DYNLT2B: variants seen among roughly 807,000 people sequenced by gnomAD.
DYNLT2B encodes the protein dynein light chain Tctex-type protein 2B.
A neutral mutation model predicts 19.5 loss-of-function variants in DYNLT2B; 14 were observed. That is an observed-to-expected ratio of 0.72 (90% CI 0.47 to 1.12). DYNLT2B has a LOEUF of 1.12. Ranked by LOEUF, DYNLT2B falls within the 50% of genes most tolerant of loss-of-function variation. The pLI is 0.00. For synonymous variants in DYNLT2B, 70 were observed against 59.7 expected, an observed-to-expected ratio of 1.17 and a Z score of -0.79; for missense variants, 133 against 174.7, an observed-to-expected ratio of 0.76 and a Z score of 1.35.
intron 2 of DYNLT2B, among the ~76,000 whole-genome samples, chr3:196,314,468 GAA>G (rs1055569551): frequency 4.7e-5 from 3 of 63,486 alleles, no homozygotes; most frequent in African/African-American, 1.2e-4. Flanking sequence ...GTCTCAAAAA[GAA>G]AAAAAAAAAA....
intron 3 of DYNLT2B, chr3:196,298,273 A>T: frequency 5.5e-6 from 1 of 181,608 alleles, no homozygotes; most frequent in Non-Finnish European, 1.2e-5. Flanking sequence ...TTTTGAGACA[A>T]AAATATAAAA....
chr3:196,297,102 C>A (rs950702357), intron 3 of DYNLT2B, among the ~76,000 whole-genome samples: 2 of 145,402 alleles, frequency 1.4e-5, no homozygotes, highest in Non-Finnish European at 3.0e-5. Context: ...CTGGTGTGAA[C>A]CTGGGAGGCG....
Position 196,318,218 on chromosome 3 carries a change from A to C in DYNLT2B, c.-66T>G. 2 of 922,180 alleles carry C rather than the reference A, an allele frequency of 2.2e-6. No homozygotes were observed. Among genetic ancestry groups the C allele is most frequent in the South Asian group, 1.9e-5 (1 of 53,140 alleles). The allele number at this position is 922,180 out of a possible 1,614,324, so 57.1% of individuals were successfully genotyped here. ...CTAGCGGGTTGCGGTCGCGGCCGGC[A>C]GCAGGGAAAGCGTCTCCAGGGCAAC... On this transcript the variant is annotated 5_prime_UTR_variant, in exon 1 of 5. Coordinates refer to ENST00000325318, the MANE Select transcript of DYNLT2B (RefSeq NM_152773.5).
chr3:196,299,758 C>T (rs746887706), intron 3 of DYNLT2B, among the ~76,000 whole-genome samples: 4 of 151,728 alleles, frequency 2.6e-5, no homozygotes, highest in Admixed American at 6.6e-5. Context: ...GGTGAAACCC[C>T]GTCTCTACTA....
intron 3 of DYNLT2B, among the ~76,000 whole-genome samples, chr3:196,302,056 G>A (rs139716917): frequency 2.0e-5 from 3 of 152,050 alleles, no homozygotes; most frequent in Admixed American, 6.6e-5. Flanking sequence ...GCGATGAGTC[G>A]AGATCACACC....
At chr3:196,317,369 AGTGT>A (rs56203830) in intron 1 of DYNLT2B, among the ~76,000 whole-genome samples, 18 of 15,974 alleles carry the variant, frequency 1.1e-3, no homozygotes, top group South Asian at 3.3e-3. Flanking sequence ...TATTTTTTTC[AGTGT>A]GTGTGTGTGT....
intron 3 of DYNLT2B, among the ~76,000 whole-genome samples, chr3:196,300,660 C>T (rs1403595235): frequency 7.0e-6 from 1 of 143,614 alleles, no homozygotes; most frequent in East Asian, 2.2e-4. Context: ...ACCCGGGAGG[C>T]TGAGGTTGTG....
chr3:196,312,122 C>T (rs1382299928), intron 2 of DYNLT2B, among the ~76,000 whole-genome samples: 3 of 152,162 alleles, frequency 2.0e-5, no homozygotes, highest in East Asian at 1.9e-4. Context: ...TCAAGTGATC[C>T]GCCCGCCTCG....
intron 2 of DYNLT2B, among the ~76,000 whole-genome samples, chr3:196,314,468 GAAA>G (rs1055569551): frequency 1.6e-5 from 1 of 63,496 alleles, no homozygotes. Flanking sequence ...GTCTCAAAAA[GAAA>G]AAAAAAAAAA....
At chr3:196,314,171 G>GATA (rs1184571481) in intron 2 of DYNLT2B, among the ~76,000 whole-genome samples, 1 of 151,888 alleles carries the variant, frequency 6.6e-6, no homozygotes, top group Non-Finnish European at 1.5e-5. Context: ...CTTTTATGAA[G>GATA]ATATTCTTTC....
chr3:196,313,616 C>A (rs150863927), intron 2 of DYNLT2B, among the ~76,000 whole-genome samples: 141 of 152,068 alleles, frequency 9.3e-4, no homozygotes, highest in African/African-American at 3.1e-3. Context: ...TAACGATGAA[C>A]CTTCATTAAA....
intron 3 of DYNLT2B, among the ~76,000 whole-genome samples, chr3:196,297,132 A>G (rs546303198): frequency 2.1e-5 from 3 of 143,904 alleles, no homozygotes; most frequent in Middle Eastern, 4.0e-3. Context: ...GTGACCTGAG[A>G]TAGCACCACT....
intron 2 of DYNLT2B, among the ~76,000 whole-genome samples, chr3:196,312,750 C>T (rs1296742442): frequency 3.3e-5 from 5 of 152,146 alleles, no homozygotes; most frequent in Admixed American, 6.6e-5. Context: ...TGAGCCACCG[C>T]GCCTGGCCCA....
rs1397451074 is a variant in DYNLT2B at position 196,317,430 on chromosome 3, A to G, written c.113+610T>C. ...GTTAGTGATCTCACAAACCTAGCTG[A>G]GTACCCTCTGCTCTGGCCCGTGAGC... On this transcript the variant is annotated intron_variant, in intron 1 of 4. Transcript: ENST00000325318. 1.4e-3 allele frequency among the ~76,000 whole-genome samples: 52 copies of G among 36,888 alleles called. 8 individuals carry two copies. Among genetic ancestry groups the G allele is most frequent in the African/African-American group, 4.7e-3 (49 of 10,372 alleles). 24.2% of individuals were successfully genotyped at this position (36,888 alleles called of 152,430 possible). A position where few individuals can be genotyped will look rare whatever the true frequency, so the allele number is the denominator to read the frequency against.
At chr3:196,314,084 G>T (rs1213212786) in intron 2 of DYNLT2B, among the ~76,000 whole-genome samples, 1 of 151,108 alleles carries the variant, frequency 6.6e-6, no homozygotes, top group Non-Finnish European at 1.5e-5. Flanking sequence ...GGCAACAACA[G>T]CAAAACTCCA....
chr3:196,316,774 C>A (rs963463477), intron 1 of DYNLT2B, among the ~76,000 whole-genome samples: 1 of 152,034 alleles, frequency 6.6e-6, no homozygotes, highest in African/African-American at 2.4e-5. Flanking sequence ...AATCAAAATT[C>A]CTGTTTTCCA....
At chr3:196,301,745 C>T (rs777271714) in intron 3 of DYNLT2B, among the ~76,000 whole-genome samples, 7 of 150,674 alleles carry the variant, frequency 4.6e-5, no homozygotes, top group Admixed American at 2.0e-4. Flanking sequence ...ATTAGTATGA[C>T]TAAAATGTAA....
intron 3 of DYNLT2B, among the ~76,000 whole-genome samples, chr3:196,296,813 C>T (rs1308047065): frequency 6.6e-6 from 1 of 152,142 alleles, no homozygotes; most frequent in African/African-American, 2.4e-5. Context: ...ACTCAGGAGG[C>T]TGAGACAGGG....
intron 2 of DYNLT2B, among the ~76,000 whole-genome samples, chr3:196,308,841 A>G (rs1352437408): frequency 6.6e-6 from 1 of 152,250 alleles, no homozygotes; most frequent in Non-Finnish European, 1.5e-5. Context: ...TGTGTCTAGA[A>G]TAATACTCAG....
Sources: allele counts gnomAD v4.1 joint callset (sites outside exome capture counted in the v4.1 genomes callset), GRCh38; gene constraint gnomAD v4.1.1; transcripts MANE v1.5; gene names NCBI Gene and HGNC (gene_info 2026-07-23, HGNC 2026-07-21).